Variants in ATP8A2 observed in about 807,000 individuals in gnomAD.
ATP8A2 encodes phospholipid-transporting ATPase IB.
A neutral mutation model predicts 165.6 loss-of-function variants in ATP8A2; 100 were observed. The ratio of observed to expected loss-of-function variants is 0.60; its 90% CI spans 0.51 to 0.71. The LOEUF is 0.71. Ranked by LOEUF, ATP8A2 falls within the 30% of genes least tolerant of loss-of-function variation. The probability of loss-of-function intolerance (pLI) is 0.00; values close to 1 mark genes in which losing one functional copy is unlikely to be tolerated. For missense variants in ATP8A2, 1,227 were observed against 1,479.5 expected (o/e 0.83, Z 2.80); for synonymous variants, 543 against 548.8 (o/e 0.99, Z 0.15).
chr13:25,457,993 T>C (rs2137468857), intron 1 of ATP8A2, among the ~76,000 whole-genome samples: 1 of 152,338 alleles, frequency 6.6e-6, no homozygotes, highest in African/African-American at 2.4e-5. Flanking sequence ...ATTGGGTTCA[T>C]ATGACCAGTG....
chr13:25,828,271 A>T (rs552898555), intron 28 of ATP8A2, 79 bp downstream of exon 28: 308 of 1,182,244 alleles, frequency 2.6e-4, no homozygotes, highest in Middle Eastern at 2.3e-3. Context: ...TATGTCTGGG[A>T]AGTGTATCTG....
chr13:25,470,966 A>G (rs1019214898), intron 2 of ATP8A2, among the ~76,000 whole-genome samples: 7 of 152,102 alleles, frequency 4.6e-5, no homozygotes, highest in South Asian at 2.1e-4. Flanking sequence ...GGAAGAGAGA[A>G]AAGGTTGGGG....
chr13:25,920,466 A>G (rs1954417092), intron 33 of ATP8A2, among the ~76,000 whole-genome samples: 1 of 151,984 alleles, frequency 6.6e-6, no homozygotes, highest in Non-Finnish European at 1.5e-5. Flanking sequence ...TCCCCTGCCC[A>G]CTTCCTCCTC....
At chr13:25,466,030 C>T (rs2035659311) in intron 1 of ATP8A2, among the ~76,000 whole-genome samples, 1 of 151,922 alleles carries the variant, frequency 6.6e-6, no homozygotes, top group African/African-American at 2.4e-5. Context: ...TAATTTCCTA[C>T]CTGGTTCGCT....
At position 25,504,421 on chromosome 13, in the gene ATP8A2, C is replaced by CTT. The variant is rs577817952; in HGVS notation, c.222-25558_222-25557dup. Among the ~76,000 whole-genome samples the CTT allele has an allele frequency of 2.0e-3, 246 of 124,162 alleles. 2 individuals carry two copies. Among genetic ancestry groups the CTT allele is most frequent in the African/African-American group, 6.6e-3 (220 of 33,352 alleles). 81.5% of individuals were successfully genotyped at this position (124,162 alleles called of 152,430 possible). Reference sequence around the variant, plus strand: ...ATAATTTTTAAAAATCTTTCCTTTCCTTTTTTTTTTTTTTTTTTTTTAAAA... The same window carrying CTT: ...ATAATTTTTAAAAATCTTTCCTTTCCTTTTTTTTTTTTTTTTTTTTTTTAAAA... On this transcript the variant is annotated intron_variant, in intron 2 of 36. Coordinates refer to ENST00000381655, the MANE Select transcript of ATP8A2 (RefSeq NM_016529.6).
At chr13:25,381,626 T>C (rs1374065605) in intron 1 of ATP8A2, among the ~76,000 whole-genome samples, 1 of 152,216 alleles carries the variant, frequency 6.6e-6, no homozygotes, top group Non-Finnish European at 1.5e-5. Flanking sequence ...ATGTGATGAT[T>C]AGTTGTCTGA....
chr13:25,763,004 G>A (rs2138256562), intron 25 of ATP8A2, among the ~76,000 whole-genome samples: 1 of 152,240 alleles, frequency 6.6e-6, no homozygotes, highest in Middle Eastern at 3.4e-3. Flanking sequence ...ATTCAGATGT[G>A]GTTTTGAAAT....
chr13:25,474,540 C>T (rs1339373632), intron 2 of ATP8A2, among the ~76,000 whole-genome samples: 6 of 146,020 alleles, frequency 4.1e-5, no homozygotes, highest in South Asian at 2.2e-4. Flanking sequence ...CTAGCCTGGG[C>T]GACAGAGCCA....
intron 24 of ATP8A2, among the ~76,000 whole-genome samples, chr13:25,607,664 C>A (rs534011895): frequency 6.6e-6 from 1 of 152,274 alleles, no homozygotes; most frequent in South Asian, 2.1e-4. Flanking sequence ...AATTCCAGTT[C>A]CATTGCCAGC....
chr13:25,862,453 G>C (rs765483736), intron 33 of ATP8A2, 45 bp downstream of exon 33: 1 of 1,460,742 alleles, frequency 6.8e-7, no homozygotes, highest in Non-Finnish European at 9.6e-7. Flanking sequence ...TCTTGTGACA[G>C]CAATGTTTCT....
At chr13:25,451,095 G>A (rs987366476) in intron 1 of ATP8A2, among the ~76,000 whole-genome samples, 1 of 151,870 alleles carries the variant, frequency 6.6e-6, no homozygotes, top group Non-Finnish European at 1.5e-5. Context: ...TAATGCATTA[G>A]ACCCCCATGA....
intron 25 of ATP8A2, among the ~76,000 whole-genome samples, chr13:25,734,362 T>G (rs564822897): frequency 1.3e-5 from 2 of 152,292 alleles, no homozygotes; most frequent in African/African-American, 4.8e-5. Context: ...ACATCCTTAC[T>G]TTTCCCATCT....
intron 4 of ATP8A2, among the ~76,000 whole-genome samples, chr13:25,531,263 A>ACATATATGTTATATATGATATATGT (rs2038050505): frequency 1.2e-5 from 1 of 85,512 alleles, no homozygotes; most frequent in Non-Finnish European, 2.4e-5. Flanking sequence ...GATATATATG[A>ACATATATGTTATATATGATATATGT]TATATATGAT....
chr13:25,610,797 AT>A (rs2138433659), intron 24 of ATP8A2, among the ~76,000 whole-genome samples: 1 of 146,418 alleles, frequency 6.8e-6, no homozygotes, highest in African/African-American at 2.5e-5. Flanking sequence ...ATGTATTTCC[AT>A]TTGTTTGTGT....
intron 1 of ATP8A2, among the ~76,000 whole-genome samples, chr13:25,389,967 G>C (rs2033186078): frequency 6.8e-6 from 1 of 147,300 alleles, no homozygotes; most frequent in African/African-American, 2.5e-5. Context: ...ACACAAGTTA[G>C]GTTTCAATTT....
At chr13:25,860,417 T>G (rs1287634001) in intron 31 of ATP8A2, among the ~76,000 whole-genome samples, 161 bp downstream of exon 31, 1 of 152,180 alleles carries the variant, frequency 6.6e-6, no homozygotes, top group Non-Finnish European at 1.5e-5. Context: ...TGTGAAATGC[T>G]TACATCATCG....
At chr13:25,474,676 T>C (rs9578866) in intron 2 of ATP8A2, among the ~76,000 whole-genome samples, 12,978 of 152,186 alleles carry the variant, frequency 0.085, 895 homozygotes, top group African/African-American at 0.19. Flanking sequence ...ATCCTAATTT[T>C]TTTTTTAACC....
At chr13:25,871,472 G>A (rs1952676146) in intron 33 of ATP8A2, among the ~76,000 whole-genome samples, 2 of 152,102 alleles carry the variant, frequency 1.3e-5, no homozygotes, top group South Asian at 4.2e-4. Context: ...AGGTATAAAA[G>A]TGCCAGAGAA....
chr13:25,510,923 T>G (rs1259803321), intron 2 of ATP8A2, among the ~76,000 whole-genome samples: 1 of 152,242 alleles, frequency 6.6e-6, no homozygotes, highest in Admixed American at 6.5e-5. Context: ...AGTTTAGAAG[T>G]GCTTATCATG....
Sources: gnomAD v4.1 joint callset for allele counts (sites outside exome capture counted in the v4.1 genomes callset) on GRCh38, gnomAD v4.1.1 for gene constraint, MANE v1.5 for transcripts, NCBI Gene and HGNC (gene_info 2026-07-23, HGNC 2026-07-21) for gene names.